UBE2L3: variants seen among roughly 807,000 people sequenced by gnomAD.
UBE2L3 encodes the protein ubiquitin-conjugating enzyme E2 L3.
Under a neutral mutation model 17.8 loss-of-function variants are expected in UBE2L3, and 1 was observed. That is an observed-to-expected ratio of 0.06 (90% CI 0.02 to 0.27). The LOEUF (loss-of-function observed/expected upper bound fraction) is 0.27, where lower values mean the gene tolerates loss of function less well. UBE2L3 is among the 10% of genes least tolerant of loss of function. The pLI is 1.00. For synonymous variants in UBE2L3, 44 were observed against 68.5 expected, an observed-to-expected ratio of 0.64 and a Z score of 1.76; for missense variants, 40 against 192.6, an observed-to-expected ratio of 0.21 and a Z score of 4.69.
At chr22:21,561,892 C>T (rs1483578316) in intron 1 of UBE2L3, among the ~76,000 whole-genome samples, 1 of 152,196 alleles carries the variant, frequency 6.6e-6, no homozygotes, top group Non-Finnish European at 1.5e-5. Flanking sequence ...GGCCACTTCT[C>T]CCAGGGCCAC....
intron 2 of UBE2L3, 82 bp downstream of exon 2, chr22:21,593,038 T>C (rs1928341761): frequency 8.2e-7 from 1 of 1,222,276 alleles, no homozygotes; most frequent in Admixed American, 1.7e-5. Flanking sequence ...TTCTGCTCCT[T>C]AGTAGGCTCT....
rs1276895732 is a variant in UBE2L3, at chr22:21,622,332, C to G, written c.*663C>G. The G allele has an allele frequency of 6.5e-6, 1 of 153,032 alleles. No homozygotes were observed. The highest frequency in any genetic ancestry group is 1.5e-5 in the Non-Finnish European group (1 of 68,386). The allele number at this position is 153,032 out of a possible 1,614,324, so 9.5% of individuals were successfully genotyped here. ...AGTAACATCAGTTAATTGGGCAAGC[C>G]CTGATGTCAGTGTGTGTAACTGACC... On this transcript the variant is annotated 3_prime_UTR_variant, in exon 4 of 4. Transcript: ENST00000342192.
At chr22:21,590,852 G>A (rs1601416357) in intron 1 of UBE2L3, among the ~76,000 whole-genome samples, 1 of 152,152 alleles carries the variant, frequency 6.6e-6, no homozygotes, top group East Asian at 1.9e-4. Context: ...TCCTCCCAAA[G>A]CCCCAGCTTC....
At chr22:21,586,310 G>A (rs1927931269) in intron 1 of UBE2L3, among the ~76,000 whole-genome samples, 1 of 152,110 alleles carries the variant, frequency 6.6e-6, no homozygotes. Flanking sequence ...TCTGCACCCA[G>A]GCTGGAGTGC....
At chr22:21,563,241 C>CA (rs34642040), upstream of UBE2L3, among the ~76,000 whole-genome samples, 3,422 of 54,292 alleles carry the variant, frequency 0.063, 284 homozygotes, top group African/African-American at 0.2. Context: ...GACTCCGTCT[C>CA]AAAAAAAAAA....
At chr22:21,609,882 T>C (rs1316755610) in intron 2 of UBE2L3, among the ~76,000 whole-genome samples, 1 of 152,070 alleles carries the variant, frequency 6.6e-6, no homozygotes, top group Admixed American at 6.6e-5. Flanking sequence ...AAAAATTAGC[T>C]GGGCATTGAG....
intron 1 of UBE2L3, among the ~76,000 whole-genome samples, chr22:21,588,646 C>CT (rs1294436264): frequency 6.6e-6 from 1 of 150,486 alleles, no homozygotes; most frequent in Non-Finnish European, 1.5e-5. Context: ...TGCCTGGCTA[C>CT]TTTTTTTTAT....
intron 3 of UBE2L3, 145 bp downstream of exon 3, chr22:21,611,188 G>A: frequency 1.0e-6 from 1 of 988,170 alleles, no homozygotes; most frequent in South Asian, 1.8e-5. Context: ...AGACCTTGTG[G>A]GAATGGCTCA....
chr22:21,583,649 A>T (rs1927764285), intron 1 of UBE2L3, among the ~76,000 whole-genome samples: 1 of 152,104 alleles, frequency 6.6e-6, no homozygotes. Flanking sequence ...CTTCTTTCTG[A>T]CAGCCCTGGC....
intron 2 of UBE2L3, among the ~76,000 whole-genome samples, chr22:21,602,764 CTGCCAATTTATTGGA>C: frequency 6.6e-6 from 1 of 152,296 alleles, no homozygotes; most frequent in East Asian, 1.9e-4. Flanking sequence ...AAAAGGTGTC[CTGCCAATTTATTGGA>C]TGTTGGTGGA....
intron 1 of UBE2L3, among the ~76,000 whole-genome samples, chr22:21,555,624 CA>C (rs1178264704): frequency 1.3e-3 from 192 of 148,136 alleles, no homozygotes; most frequent in African/African-American, 3.3e-3. Flanking sequence ...GACTCCATCT[CA>C]AAAAAAAAAA....
rs35054754 is a variant in UBE2L3, at chr22:21,597,775, A to ATTTTTTTTTTTTTTTTTTTTTT, written c.123+4830_123+4851dup. Among the ~76,000 whole-genome samples the ATTTTTTTTTTTTTTTTTTTTTT allele has an allele frequency of 3.1e-4, 8 of 25,600 alleles. 4 individuals are homozygous for ATTTTTTTTTTTTTTTTTTTTTT. Among genetic ancestry groups the ATTTTTTTTTTTTTTTTTTTTTT allele is most frequent in the Non-Finnish European group, 5.5e-4 (8 of 14,436 alleles). The allele number at this position is 25,600 out of a possible 152,430, so 16.8% of individuals were successfully genotyped here. Reference sequence around the variant, plus strand: ...GGATCTTTGATCCATTTATATGTAGATTTTTTTTTTTTTTTTTTTTTTTTT... The same window carrying ATTTTTTTTTTTTTTTTTTTTTT: ...GGATCTTTGATCCATTTATATGTAGATTTTTTTTTTTTTTTTTTTTTTTTTTTTTTTTTTTTTTTTTTTTTTT... On this transcript the variant is annotated intron_variant, in intron 2 of 3. Coordinates refer to ENST00000342192, the MANE Select transcript of UBE2L3 (RefSeq NM_003347.4).
At chr22:21,617,384 A>T (rs1929832894) in intron 3 of UBE2L3, among the ~76,000 whole-genome samples, 1 of 151,910 alleles carries the variant, frequency 6.6e-6, no homozygotes, top group Non-Finnish European at 1.5e-5. Flanking sequence ...CTCCTCCCTC[A>T]GCCTCCCGAG....
upstream of UBE2L3, among the ~76,000 whole-genome samples, chr22:21,563,468 G>A (rs131660): frequency 0.32 from 43,289 of 136,594 alleles, 7,690 homozygotes; most frequent in East Asian, 0.52. Context: ...AGGCTGAGGC[G>A]GGAGAATGGC....
At chr22:21,565,814 T>C (rs1926608690), upstream of UBE2L3, among the ~76,000 whole-genome samples, 1 of 136,350 alleles carries the variant, frequency 7.3e-6, no homozygotes, top group Non-Finnish European at 1.5e-5. Context: ...GGTCTGAGTA[T>C]ATTCTGAAGC....
chr22:21,577,871 C>T (rs1312586204), intron 1 of UBE2L3, among the ~76,000 whole-genome samples: 1 of 152,166 alleles, frequency 6.6e-6, no homozygotes, highest in Non-Finnish European at 1.5e-5. Flanking sequence ...GCAGGCACAT[C>T]TGCAACCAAA....
intron 1 of UBE2L3, among the ~76,000 whole-genome samples, chr22:21,573,126 C>T (rs373945536): frequency 3.3e-5 from 5 of 152,148 alleles, no homozygotes; most frequent in African/African-American, 1.2e-4. Context: ...CACACTACTC[C>T]TAACCAGCAG....
intron 1 of UBE2L3, among the ~76,000 whole-genome samples, chr22:21,568,699 G>C (rs1364811589): frequency 6.6e-6 from 1 of 152,060 alleles, no homozygotes; most frequent in Non-Finnish European, 1.5e-5. Context: ...TCTGTGAGTC[G>C]GCGGCTGGGT....
At chr22:21,618,794 G>A (rs1929909939) in intron 3 of UBE2L3, among the ~76,000 whole-genome samples, 1 of 152,062 alleles carries the variant, frequency 6.6e-6, no homozygotes, top group Non-Finnish European at 1.5e-5. Context: ...GTCTTGCTAT[G>A]TTGCCCAGGC....
Sources: allele counts gnomAD v4.1 joint callset (sites outside exome capture counted in the v4.1 genomes callset), GRCh38; gene constraint gnomAD v4.1.1; transcripts MANE v1.5; gene names NCBI Gene and HGNC (gene_info 2026-07-23, HGNC 2026-07-21).